RGS7: variants seen among roughly 807,000 people sequenced by gnomAD.
The protein encoded by RGS7 is regulator of G-protein signaling 7.
RGS7 carries 27 observed loss-of-function variants against 81.1 expected under a neutral mutation model. The ratio of observed to expected loss-of-function variants is 0.33; its 90% CI spans 0.25 to 0.46. RGS7 has a LOEUF of 0.46. RGS7 is among the 20% of genes least tolerant of loss of function. The pLI is 1.00. For synonymous variants in RGS7, 208 were observed against 207.7 expected (o/e 1.00, Z -0.01); for missense variants, 396 against 607.4 (o/e 0.65, Z 3.66).
intron 9 of RGS7, among the ~76,000 whole-genome samples, chr1:240,832,637 TG>T (rs147743387): frequency 0.01 from 1,548 of 152,328 alleles, 39 homozygotes; most frequent in African/African-American, 0.036. Flanking sequence ...GGTACACTTG[TG>T]TTCAAGACAA....
At chr1:241,048,579 A>G (rs2061076402) in intron 3 of RGS7, among the ~76,000 whole-genome samples, 1 of 152,186 alleles carries the variant, frequency 6.6e-6, no homozygotes, top group Non-Finnish European at 1.5e-5. Flanking sequence ...AAGATATTAA[A>G]TAAGTCTGTT....
At chr1:241,250,687 C>A (rs2076786863) in intron 2 of RGS7, among the ~76,000 whole-genome samples, 1 of 152,278 alleles carries the variant, frequency 6.6e-6, no homozygotes, top group Non-Finnish European at 1.5e-5. Flanking sequence ...GGCCTCTTGA[C>A]AAATGACTGT....
At chr1:241,055,884 G>A (rs771428622) in intron 3 of RGS7, among the ~76,000 whole-genome samples, 76 of 152,278 alleles carry the variant, frequency 5.0e-4, no homozygotes, top group Admixed American at 3.4e-3. Flanking sequence ...TTGTCACTTT[G>A]GAGATTCCAA....
intron 18 of RGS7, among the ~76,000 whole-genome samples, chr1:240,776,485 A>G (rs1682959375): frequency 2.6e-5 from 4 of 151,676 alleles, no homozygotes; most frequent in South Asian, 4.2e-4. Flanking sequence ...ATGGTTTCAC[A>G]GCACAGATTA....
intron 6 of RGS7, among the ~76,000 whole-genome samples, chr1:240,874,024 G>A (rs1376052278): frequency 6.6e-6 from 1 of 152,090 alleles, no homozygotes; most frequent in African/African-American, 2.4e-5. Flanking sequence ...TCATGAGGAT[G>A]GAACCTTCCT....
At chr1:241,237,904 G>A (rs373078380) in intron 2 of RGS7, among the ~76,000 whole-genome samples, 1 of 152,146 alleles carries the variant, frequency 6.6e-6, no homozygotes, top group African/African-American at 2.4e-5. Flanking sequence ...TGAGAATTCC[G>A]ACTGAGGCAA....
At chr1:241,102,948 A>G (rs1386846363) in intron 2 of RGS7, among the ~76,000 whole-genome samples, 1 of 150,724 alleles carries the variant, frequency 6.6e-6, no homozygotes, top group Non-Finnish European at 1.5e-5. Flanking sequence ...AACATGCTTG[A>G]TGGTCTGTTT....
chr1:241,062,686 C>T (rs1236575485), intron 3 of RGS7, among the ~76,000 whole-genome samples: 1 of 151,724 alleles, frequency 6.6e-6, no homozygotes, highest in Non-Finnish European at 1.5e-5. Context: ...CCCTTTTTTT[C>T]CCCAAAGGTC....
At chr1:241,236,083 C>A (rs769724381) in intron 2 of RGS7, among the ~76,000 whole-genome samples, 23 of 151,904 alleles carry the variant, frequency 1.5e-4, no homozygotes, top group South Asian at 4.1e-4. Context: ...AAGGAGAGAA[C>A]TGAAAGCCAA....
chr1:240,820,886 A>G (rs1395658394), intron 10 of RGS7, among the ~76,000 whole-genome samples: 4 of 152,222 alleles, frequency 2.6e-5, no homozygotes. Flanking sequence ...ACCACAAAGT[A>G]CAAGAAGCCT....
intron 3 of RGS7, among the ~76,000 whole-genome samples, chr1:240,984,910 C>A (rs1375012476): frequency 6.6e-6 from 1 of 152,146 alleles, no homozygotes; most frequent in East Asian, 1.9e-4. Flanking sequence ...AGCATGCATG[C>A]ATTTAAAAAA....
chr1:241,246,263 G>T (rs1372443029), intron 2 of RGS7, among the ~76,000 whole-genome samples: 1 of 152,000 alleles, frequency 6.6e-6, no homozygotes, highest in Non-Finnish European at 1.5e-5. Context: ...CTGCTTGAGG[G>T]TGAGATATAA....
In RGS7 at chr1:241,144,064, T is replaced by C. The variant is rs990207350; in HGVS notation, c.79-45302A>G. Among the ~76,000 whole-genome samples, 1 of 152,174 alleles carries C rather than the reference T, an allele frequency of 6.6e-6. No homozygotes were observed. The highest frequency in any genetic ancestry group is 1.5e-5 in the Non-Finnish European group (1 of 68,026). ...CCACTCAGCCCATGATATTTTCTTA[T>C]AGCCGCCTGAGTGGACTAAGGCAGT... On this transcript the variant is annotated intron_variant, in intron 2 of 18. Coordinates refer to ENST00000440928, the MANE Select transcript of RGS7 (RefSeq NM_001364886.1). The surrounding 1 kb of genome is among the most constrained non-coding windows in gnomAD (Gnocchi z 4.7).
chr1:240,793,611 A>ATATATATATATATTTTTTTTTTTTTTT, intron 18 of RGS7, among the ~76,000 whole-genome samples: 9 of 78,804 alleles, frequency 1.1e-4, no homozygotes, highest in African/African-American at 8.7e-4. Flanking sequence ...ATATATATAT[A>ATATATATATATATTTTTTTTTTTTTTT]TTTTTTTTTT....
intron 2 of RGS7, among the ~76,000 whole-genome samples, chr1:241,150,561 C>T (rs1007690220): frequency 2.6e-5 from 4 of 152,142 alleles, no homozygotes; most frequent in African/African-American, 7.2e-5. Flanking sequence ...AAACCCCCTC[C>T]CATAGGGAGT....
At chr1:241,146,044 G>A (rs1436343080) in intron 2 of RGS7, among the ~76,000 whole-genome samples, 1 of 152,168 alleles carries the variant, frequency 6.6e-6, no homozygotes, top group Non-Finnish European at 1.5e-5. Context: ...AAGGCAAAGT[G>A]AAGAAGTAAC....
At chr1:240,797,177 G>T (rs183083110) in intron 18 of RGS7, among the ~76,000 whole-genome samples, 1 of 152,062 alleles carries the variant, frequency 6.6e-6, no homozygotes, top group African/African-American at 2.4e-5. Context: ...AACTGATATT[G>T]TTCACACAAA....
chr1:240,815,445 T>C (rs1690649444), intron 11 of RGS7, among the ~76,000 whole-genome samples: 2 of 152,180 alleles, frequency 1.3e-5, no homozygotes, highest in Admixed American at 6.6e-5. Context: ...TAAATGTATT[T>C]ATTACTATAA....
rs375392335 is a variant in RGS7, at chr1:241,070,324, G to GAAA, written c.175+28339_175+28341dup. Among the ~76,000 whole-genome samples, 59 of 138,666 alleles carry GAAA rather than the reference G, an allele frequency of 4.3e-4. 1 individual carries two copies. The highest frequency in any genetic ancestry group is 7.7e-3 in the Middle Eastern group (2 of 260). 91.0% of individuals were successfully genotyped at this position (138,666 alleles called of 152,430 possible). On this transcript the variant is annotated intron_variant, in intron 3 of 18. Transcript: ENST00000440928. ...AATTCTCCACAGCTGAGGAGAAATG[G>GAAA]AAAAAAAAAAAAAAAAGCACTAGCC... is the stretch of plus-strand genomic sequence containing the variant.
Sources: gnomAD v4.1 joint callset for allele counts (sites outside exome capture counted in the v4.1 genomes callset) on GRCh38, gnomAD v4.1.1 for gene constraint, Gnocchi (gnomAD v3.1) non-coding constraint, MANE v1.5 for transcripts, NCBI Gene and HGNC (gene_info 2026-07-23, HGNC 2026-07-21) for gene names.